The following NDUFB9 variants were observed in gnomAD, a reference collection of about 807,000 sequenced individuals.
The protein encoded by NDUFB9 is NADH dehydrogenase [ubiquinone] 1 beta subcomplex subunit 9.
NDUFB9 carries 24 observed loss-of-function variants against 30.2 expected under a neutral mutation model. The ratio of observed to expected loss-of-function variants is 0.80; its 90% CI spans 0.58 to 1.12. The LOEUF (loss-of-function observed/expected upper bound fraction) is 1.12. NDUFB9 is among the 50% of genes most tolerant of loss of function. NDUFB9 has a pLI of 0.00. For missense variants in NDUFB9, 204 were observed against 226.0 expected (o/e 0.90, Z 0.62); for synonymous variants, 80 against 84.0 (o/e 0.95, Z 0.26).
Position 124,546,965 on chromosome 8 carries a change from C to T in NDUFB9, c.295-35C>T, listed in dbSNP as rs1284504394. ...CCTGTCAGGGATAGGTAAATGTGTC[C>T]TGTGGATTGATACCATGATTTCCTC... is the stretch of plus-strand genomic sequence containing the variant. On this transcript the variant is annotated intron_variant, in intron 2 of 3. Coordinates refer to ENST00000276689, the MANE Select transcript of NDUFB9 (RefSeq NM_005005.3). 1.2e-5 allele frequency: 17 copies of T among 1,450,762 alleles called. 1 individual carries two copies. In the Admixed American group the frequency reaches 1.7e-4, roughly 14 times the overall value. 89.9% of individuals were successfully genotyped at this position (1,450,762 alleles called of 1,614,324 possible).
chr8:124,549,609 A>AT, intron 3 of NDUFB9, 152 bp from the exon 4 acceptor site: 1 of 716,990 alleles, frequency 1.4e-6, no homozygotes, highest in Non-Finnish European at 2.4e-6. Context: ...TAAAGCAGGT[A>AT]TATGTAAAAA....
rs1444524278 is a variant in NDUFB9 at position 124,547,108 on chromosome 8, C to G, written c.403C>G (p.Arg135Gly). Residue 135 changes from arginine (R) to glycine (G), a missense_variant, in exon 3 of 4, where the codon CGA (arginine) becomes GGA (glycine). By Grantham distance (125) the Arg-to-Gly change is moderately radical (BLOSUM62 -2). Coordinates refer to ENST00000276689, the MANE Select transcript of NDUFB9 (RefSeq NM_005005.3). ...GAAACTGCGGAGGGAAAGCTGGGAA[C>G]GAGAGGTGCGTTCTACTTGTACTTC... Reference protein sequence around the residue: ...WKKLRRESWEREVKQLQEETP... With the variant: ...WKKLRRESWEGEVKQLQEETP... 4 of 1,610,104 alleles carry G rather than the reference C, an allele frequency of 2.5e-6. No individual in the cohort carries two copies. The highest frequency in any genetic ancestry group is 3.4e-6 in the Non-Finnish European group (4 of 1,176,580).
intron 1 of NDUFB9, among the ~76,000 whole-genome samples, chr8:124,541,922 G>T (rs74190071): frequency 0.086 from 12,714 of 148,194 alleles, 823 homozygotes; most frequent in South Asian, 0.29. Context: ...TGTTGTTGTT[G>T]TTTTTTTTTG....
intron 1 of NDUFB9, among the ~76,000 whole-genome samples, chr8:124,541,925 T>TTGTTG (rs1563706354): frequency 1.3e-5 from 2 of 148,688 alleles, no homozygotes; most frequent in Admixed American, 1.3e-4. Flanking sequence ...TGTTGTTGTT[T>TTGTTG]TTTTTTGAGA....
intron 2 of NDUFB9, among the ~76,000 whole-genome samples, chr8:124,543,836 TA>T (rs773175547): frequency 6.6e-6 from 1 of 152,210 alleles, no homozygotes; most frequent in Non-Finnish European, 1.5e-5. Context: ...TTAACGACCA[TA>T]CCATAGCCTC....
At chr8:124,547,506 G>C (rs1452136423) in intron 3 of NDUFB9, 2 of 510,470 alleles carry the variant, frequency 3.9e-6, no homozygotes, top group Non-Finnish European at 7.0e-6. Context: ...TTGGAGAGGG[G>C]AAGAGGAGAA....
At chr8:124,541,752 C>T (rs1044063592) in intron 1 of NDUFB9, among the ~76,000 whole-genome samples, 5 of 151,364 alleles carry the variant, frequency 3.3e-5, no homozygotes, top group South Asian at 2.1e-4. Context: ...TACAGGCATG[C>T]GCCACCACGC....
At chr8:124,547,542 G>T in intron 3 of NDUFB9, 1 of 407,332 alleles carries the variant, frequency 2.5e-6, no homozygotes. Context: ...TAGGATTATT[G>T]CAGAAGTTTA....
chr8:124,542,953 C>A, intron 1 of NDUFB9, 134 bp from the exon 2 acceptor site: 1 of 848,442 alleles, frequency 1.2e-6, no homozygotes, highest in Non-Finnish European at 1.9e-6. Flanking sequence ...GATGATACGG[C>A]TGCTCCATTG....
chr8:124,547,308 C>T (rs1040076379), intron 3 of NDUFB9, 195 bp downstream of exon 3: 6 of 661,098 alleles, frequency 9.1e-6, no homozygotes, highest in East Asian at 8.1e-5. Flanking sequence ...ATTCCCTGGT[C>T]GTTTTGGCTT....
intron 1 of NDUFB9, among the ~76,000 whole-genome samples, chr8:124,542,691 A>G (rs1822046759): frequency 6.6e-6 from 1 of 152,122 alleles, no homozygotes; most frequent in Non-Finnish European, 1.5e-5. Flanking sequence ...TCATCTTTGT[A>G]TCTCCAGAAT....
At chr8:124,545,380 T>G (rs536372983) in intron 2 of NDUFB9, among the ~76,000 whole-genome samples, 54 of 152,306 alleles carry the variant, frequency 3.5e-4, no homozygotes, top group African/African-American at 1.2e-3. Flanking sequence ...CCTCGTTATT[T>G]TAGGAAATTG....
intron 1 of NDUFB9, among the ~76,000 whole-genome samples, chr8:124,542,627 C>G (rs1400371686): frequency 6.6e-6 from 1 of 152,178 alleles, no homozygotes; most frequent in Non-Finnish European, 1.5e-5. Context: ...GGATACAAAC[C>G]TAGCTCTGTA....
intron 1 of NDUFB9, 114 bp downstream of exon 1, chr8:124,539,401 C>A: frequency 1.1e-6 from 1 of 916,334 alleles, no homozygotes; most frequent in Non-Finnish European, 1.8e-6. Flanking sequence ...TGGAAGGTGG[C>A]CTCTCGCTTC....
chr8:124,548,162 G>A (rs141926666), intron 3 of NDUFB9, among the ~76,000 whole-genome samples: 124 of 152,298 alleles, frequency 8.1e-4, no homozygotes, highest in African/African-American at 2.7e-3. Flanking sequence ...AAGTGCAGAT[G>A]TCAGAAGCCA....
chr8:124,547,553 G>C, intron 3 of NDUFB9: 1 of 386,224 alleles, frequency 2.6e-6, no homozygotes. Context: ...CAGAAGTTTA[G>C]TCAAAAGGTT....
In NDUFB9 at chr8:124,543,137, A is replaced by G. The variant is rs1205448869; in HGVS notation, c.152A>G (p.His51Arg). ...TTGATGAGAGCCCGGTTTGAAGAAC[A>G]TAAGAATGAAAAGGATATGGCGAAG... ...ACLMRARFEE[H>R]KNEKDMAKAT... is the part of the protein sequence containing the mutation. Residue 51 changes from histidine to arginine, a missense_variant, in exon 2 of 4, where the codon CAT becomes CGT. By Grantham distance (29) the His-to-Arg change is conservative. Transcript: ENST00000276689. The G allele has an allele frequency of 1.2e-6, 2 of 1,614,254 alleles. No homozygotes were observed. Among genetic ancestry groups the G allele is most frequent in the African/African-American group, 1.3e-5 (1 of 75,070 alleles).
At chr8:124,546,824 T>C in intron 2 of NDUFB9, 176 bp from the exon 3 acceptor site, 1 of 655,018 alleles carries the variant, frequency 1.5e-6, no homozygotes, top group Non-Finnish European at 2.8e-6. Context: ...TGTTTTCCTT[T>C]ATCTTTGCTT....
chr8:124,547,265 A>G (rs1178223882), intron 3 of NDUFB9, 152 bp downstream of exon 3: 1 of 714,882 alleles, frequency 1.4e-6, no homozygotes, highest in Admixed American at 2.0e-5. Context: ...TCAATTTAAC[A>G]TTTATAATCA....
Sources: gnomAD v4.1 joint callset for allele counts (sites outside exome capture counted in the v4.1 genomes callset) on GRCh38, gnomAD v4.1.1 for gene constraint, MANE v1.5 for transcripts, NCBI Gene and HGNC (gene_info 2026-07-23, HGNC 2026-07-21) for gene names.